Variants in SDK1 observed in about 807,000 individuals in gnomAD.
SDK1 encodes the protein protein sidekick-1.
SDK1 carries 157 observed loss-of-function variants against 245.5 expected under a neutral mutation model. The observed-to-expected ratio is 0.64, with a 90% CI of 0.56 to 0.73. SDK1 has a LOEUF of 0.73. Ranked by LOEUF, SDK1 falls within the 30% of genes least tolerant of loss-of-function variation. The probability of loss-of-function intolerance (pLI) is 0.00; values close to 1 mark genes in which losing one functional copy is unlikely to be tolerated. For missense variants in SDK1, 3,583 were observed against 3,002.3 expected (o/e 1.19, Z -4.52); for synonymous variants, 1,647 against 1,278.5 (o/e 1.29, Z -6.15).
intron 1 of SDK1, among the ~76,000 whole-genome samples, chr7:3,497,002 A>G (rs576316578): frequency 1.6e-4 from 25 of 152,306 alleles, no homozygotes; most frequent in Admixed American, 9.2e-4. Context: ...AGAATAATTA[A>G]GAGTATAGTT....
At chr7:3,403,925 C>A (rs1206797194) in intron 1 of SDK1, among the ~76,000 whole-genome samples, 1 of 135,238 alleles carries the variant, frequency 7.4e-6, no homozygotes, top group Admixed American at 8.3e-5. Context: ...TACAGGCATA[C>A]CTTGGAGATA....
Position 3,580,298 on chromosome 7 carries a change from A to G in SDK1, c.299-38782A>G, listed in dbSNP as rs546330550. Among the ~76,000 whole-genome samples, 221 of 152,360 alleles carry G rather than the reference A, an allele frequency of 1.5e-3. 1 individual carries two copies. The highest frequency in any genetic ancestry group is 5.1e-3 in the African/African-American group (211 of 41,592). ...ACAAAACTGGAAATAACTATTTTAA[A>G]ATTCACATGGAACCAAAAGAGAGCC... On this transcript the variant is annotated intron_variant, in intron 1 of 44. Transcript: ENST00000404826.
intron 2 of SDK1, among the ~76,000 whole-genome samples, chr7:3,629,161 C>T (rs1455274250): frequency 2.0e-5 from 3 of 151,260 alleles, no homozygotes; most frequent in East Asian, 3.9e-4. Flanking sequence ...ATTAGCCGGG[C>T]ATGGTGGCGG....
chr7:3,305,882 C>G (rs1226412850), intron 1 of SDK1, among the ~76,000 whole-genome samples: 3 of 152,136 alleles, frequency 2.0e-5, no homozygotes, highest in African/African-American at 7.2e-5. Context: ...CACAGCAGCT[C>G]CTGAGAGGTA....
chr7:3,987,120 C>G, intron 13 of SDK1, 66 bp from the exon 14 acceptor site: 1 of 1,549,064 alleles, frequency 6.5e-7, no homozygotes, highest in Non-Finnish European at 8.9e-7. Context: ...GCTGTAAGAG[C>G]TCAGGCTCAC....
chr7:3,910,249 A>G (rs1779118108), intron 5 of SDK1, among the ~76,000 whole-genome samples: 1 of 152,204 alleles, frequency 6.6e-6, no homozygotes, highest in Non-Finnish European at 1.5e-5. Context: ...TCAAAGAGAG[A>G]CAAAACAAAA....
intron 1 of SDK1, among the ~76,000 whole-genome samples, chr7:3,357,053 GAAAAAAAAAA>G (rs35467524): frequency 3.7e-5 from 3 of 81,300 alleles, no homozygotes; most frequent in African/African-American, 1.4e-4. Context: ...AGACTCTCTC[GAAAAAAAAAA>G]AAAAAAAAAA....
chr7:3,742,905 C>G (rs1188209272), intron 4 of SDK1, among the ~76,000 whole-genome samples: 1 of 152,074 alleles, frequency 6.6e-6, no homozygotes, highest in Non-Finnish European at 1.5e-5. Flanking sequence ...AAGCAAAGAA[C>G]CAAACAAACA....
intron 1 of SDK1, among the ~76,000 whole-genome samples, chr7:3,352,763 AC>A (rs1780693851): frequency 6.6e-6 from 1 of 151,812 alleles, no homozygotes; most frequent in Non-Finnish European, 1.5e-5. Context: ...ACCTAGGGAA[AC>A]CCTTTTTTTT....
At chr7:3,621,150 A>G (rs1781925755) in intron 2 of SDK1, among the ~76,000 whole-genome samples, 1 of 152,174 alleles carries the variant, frequency 6.6e-6, no homozygotes, top group South Asian at 2.1e-4. Flanking sequence ...AGGCAGCATT[A>G]TACATTATTA....
intron 17 of SDK1, among the ~76,000 whole-genome samples, chr7:4,044,894 A>T (rs780793219): frequency 8.6e-5 from 13 of 151,222 alleles, no homozygotes; most frequent in Admixed American, 1.3e-4. Context: ...TATTTCTGTC[A>T]CCTCCCCCAA....
chr7:3,626,450 G>A (rs965268210), intron 2 of SDK1, among the ~76,000 whole-genome samples: 2 of 152,282 alleles, frequency 1.3e-5, no homozygotes, highest in Non-Finnish European at 1.5e-5. Context: ...GGCTATAATT[G>A]GTATTTATGT....
At chr7:4,083,644 C>CCCTTCTTTA (rs1781218175) in intron 22 of SDK1, among the ~76,000 whole-genome samples, 1 of 90,100 alleles carries the variant, frequency 1.1e-5, no homozygotes, top group African/African-American at 4.2e-5. Flanking sequence ...TTCCTTCCTT[C>CCCTTCTTTA]CTTCCTCCAC....
At chr7:3,877,568 T>A (rs890678999) in intron 5 of SDK1, among the ~76,000 whole-genome samples, 1 of 152,192 alleles carries the variant, frequency 6.6e-6, no homozygotes, top group Non-Finnish European at 1.5e-5. Flanking sequence ...TTTAGATGGT[T>A]TATCCCTTTT....
chr7:3,775,624 C>A (rs978537927), intron 4 of SDK1, among the ~76,000 whole-genome samples: 1 of 150,290 alleles, frequency 6.7e-6, no homozygotes, highest in Admixed American at 6.6e-5. Context: ...GGCCGGACTG[C>A]GGACTGCAGT....
chr7:3,737,993 A>G (rs1779367289), intron 4 of SDK1, among the ~76,000 whole-genome samples: 1 of 152,134 alleles, frequency 6.6e-6, no homozygotes, highest in Admixed American at 6.5e-5. Context: ...GATTTCCACA[A>G]AGGTGTTTTG....
intron 4 of SDK1, among the ~76,000 whole-genome samples, chr7:3,714,478 A>C (rs889585867): frequency 2.0e-5 from 3 of 152,190 alleles, no homozygotes; most frequent in Non-Finnish European, 1.5e-5. Flanking sequence ...CTCTTAAATT[A>C]AGAATAATAA....
chr7:3,619,937 G>T (rs1309494196), intron 2 of SDK1, among the ~76,000 whole-genome samples: 1 of 152,202 alleles, frequency 6.6e-6, no homozygotes, highest in Non-Finnish European at 1.5e-5. Context: ...CCACGCTTCA[G>T]AGCTTTCCAG....
chr7:3,490,183 C>G (rs561243470), intron 1 of SDK1, among the ~76,000 whole-genome samples: 1 of 152,246 alleles, frequency 6.6e-6, no homozygotes, highest in South Asian at 2.1e-4. Context: ...AATGTTGTAA[C>G]TGCTAGGTTC....
Sources: allele counts gnomAD v4.1 joint callset (sites outside exome capture counted in the v4.1 genomes callset), GRCh38; gene constraint gnomAD v4.1.1; transcripts MANE v1.5; gene names NCBI Gene and HGNC (gene_info 2026-07-23, HGNC 2026-07-21).